The following TRPC4 variants were observed in gnomAD, a reference collection of about 807,000 sequenced individuals.
TRPC4 encodes the protein short transient receptor potential channel 4.
Under a neutral mutation model 99.4 loss-of-function variants are expected in TRPC4, and 49 were observed. That is an observed-to-expected ratio of 0.49 (90% CI 0.39 to 0.63). TRPC4 has a LOEUF of 0.63. Among genes scored for constraint, TRPC4 ranks in the 20% least tolerant of loss-of-function variants. The pLI is 0.00. For synonymous variants in TRPC4, 454 were observed against 425.9 expected (o/e 1.07, Z -0.81); for missense variants, 898 against 1,152.9 (o/e 0.78, Z 3.20).
chr13:37,723,246 C>G (rs569507097), intron 3 of TRPC4, among the ~76,000 whole-genome samples: 9 of 151,946 alleles, frequency 5.9e-5, no homozygotes, highest in Non-Finnish European at 1.3e-4. Context: ...GTTGTACGCC[C>G]AGACAAAAAA....
chr13:37,750,179 T>G lies in TRPC4; in HGVS notation c.379-3724A>C, dbSNP rs77548338. On this transcript the variant is annotated intron_variant, in intron 2 of 10. Coordinates refer to ENST00000379705, the MANE Select transcript of TRPC4 (RefSeq NM_016179.4). ...TTAGTAGCAAAAACTGTTGCTTCAA[T>G]TCTGCGAAATATTTCAATTTCTATT... Among the ~76,000 whole-genome samples the G allele has an allele frequency of 9.2e-3, 1,400 of 152,274 alleles. 14 individuals carry two copies. Among genetic ancestry groups the G allele is most frequent in the African/African-American group, 0.032 (1,333 of 41,570 alleles).
chr13:37,862,021 C>T (rs182278335), intron 1 of TRPC4, among the ~76,000 whole-genome samples: 1 of 151,286 alleles, frequency 6.6e-6, no homozygotes, highest in East Asian at 1.9e-4. Flanking sequence ...AGATTAAAGG[C>T]CATGAGAAAG....
intron 1 of TRPC4, among the ~76,000 whole-genome samples, chr13:37,800,337 A>T (rs1311903325): frequency 1.3e-5 from 2 of 152,096 alleles, no homozygotes; most frequent in Non-Finnish European, 2.9e-5. Flanking sequence ...CTGAGTAGCT[A>T]GAAATAAAGG....
In TRPC4 at chr13:37,839,333, C is replaced by T. The variant is rs554501768; in HGVS notation, c.-28+30262G>A. Among the ~76,000 whole-genome samples the T allele has an allele frequency of 1.2e-3, 183 of 152,254 alleles. 1 individual carries two copies. The highest frequency in any genetic ancestry group is 3.4e-3 in the Middle Eastern group (1 of 294). ...GATGAGTTCCTGGCCTCCAAATTTG[C>T]ACTCTAATTACATCTCTTTCTTTAA... On this transcript the variant is annotated intron_variant, in intron 1 of 10. Coordinates refer to ENST00000379705, the MANE Select transcript of TRPC4 (RefSeq NM_016179.4).
intron 2 of TRPC4, among the ~76,000 whole-genome samples, chr13:37,756,783 C>T (rs186556660): frequency 7.2e-5 from 11 of 152,082 alleles, no homozygotes; most frequent in Non-Finnish European, 1.2e-4. Flanking sequence ...GACCTACCCG[C>T]CTCAGCCTCC....
At chr13:37,800,456 T>C (rs1030283645) in intron 1 of TRPC4, among the ~76,000 whole-genome samples, 2 of 152,174 alleles carry the variant, frequency 1.3e-5, no homozygotes, top group Admixed American at 1.3e-4. Context: ...ATCAGCTAGG[T>C]TCATAGTTTA....
At chr13:37,664,301 C>T (rs962144908) in intron 5 of TRPC4, among the ~76,000 whole-genome samples, 13 of 152,226 alleles carry the variant, frequency 8.5e-5, no homozygotes, top group African/African-American at 2.6e-4. Flanking sequence ...AGGCCTGGCG[C>T]GGTGGCTGAT....
intron 2 of TRPC4, among the ~76,000 whole-genome samples, chr13:37,778,712 T>A (rs945462257): frequency 2.0e-5 from 3 of 152,008 alleles, no homozygotes; most frequent in African/African-American, 7.2e-5. Context: ...TATAGCAAAG[T>A]CTTTTTTTCC....
chr13:37,748,249 G>C (rs1369293949), intron 2 of TRPC4, among the ~76,000 whole-genome samples: 1 of 152,060 alleles, frequency 6.6e-6, no homozygotes, highest in African/African-American at 2.4e-5. Flanking sequence ...GACAATGAGG[G>C]AAGACAAAAC....
chr13:37,666,570 A>G (rs563105699), intron 5 of TRPC4, among the ~76,000 whole-genome samples: 2 of 152,338 alleles, frequency 1.3e-5, no homozygotes, highest in East Asian at 1.9e-4. Flanking sequence ...AGTGATTTTT[A>G]TAATTACAAA....
At chr13:37,799,162 C>T (rs983876891) in intron 1 of TRPC4, among the ~76,000 whole-genome samples, 2 of 152,072 alleles carry the variant, frequency 1.3e-5, no homozygotes, top group African/African-American at 4.8e-5. Flanking sequence ...TCTCGATCTC[C>T]TGACCTCATG....
chr13:37,839,968 A>T (rs1958687961), intron 1 of TRPC4, among the ~76,000 whole-genome samples: 1 of 152,132 alleles, frequency 6.6e-6, no homozygotes, highest in Non-Finnish European at 1.5e-5. Context: ...CTGAAACATG[A>T]TCCTTTTATT....
chr13:37,651,500 T>A (rs372786218), intron 7 of TRPC4, 41 bp from the exon 8 acceptor site: 16 of 1,567,622 alleles, frequency 1.0e-5, no homozygotes, highest in Admixed American at 1.7e-5. Flanking sequence ...GGTTCCTTAA[T>A]TAACAAGGTA....
At position 37,704,291 on chromosome 13, in the gene TRPC4, T is replaced by G. The variant is rs528871401; in HGVS notation, c.898-11956A>C. Among the ~76,000 whole-genome samples the G allele has an allele frequency of 5.4e-4, 82 of 152,316 alleles. 4 individuals carry two copies. In the South Asian group the frequency reaches 0.017, roughly 32 times the overall value. ...GATGTGTTCTCTATCTTAATTTGTT[T>G]ATGTTTTCACAGGTGTATACATTTT... On this transcript the variant is annotated intron_variant, in intron 3 of 10. Coordinates refer to ENST00000379705, the MANE Select transcript of TRPC4 (RefSeq NM_016179.4).
intron 1 of TRPC4, among the ~76,000 whole-genome samples, chr13:37,816,874 C>T (rs1172129506): frequency 2.1e-4 from 32 of 151,686 alleles, no homozygotes. Context: ...GAAAATACCT[C>T]GAAATTAAAG....
intron 3 of TRPC4, among the ~76,000 whole-genome samples, chr13:37,693,327 T>C (rs1396239276): frequency 1.3e-5 from 2 of 152,086 alleles, no homozygotes; most frequent in Non-Finnish European, 2.9e-5. Context: ...CAAGATACCT[T>C]GGGAGAACAA....
At chr13:37,649,748 AAAAAAAAAAAAACAAC>A (rs1423155528) in intron 8 of TRPC4, among the ~76,000 whole-genome samples, 4,027 of 147,600 alleles carry the variant, frequency 0.027, 159 homozygotes, top group Non-Finnish European at 0.044. Context: ...AAAAAAAAAA[AAAAAAAAAAAAACAAC>A]AACAAAGAAC....
intron 3 of TRPC4, among the ~76,000 whole-genome samples, chr13:37,725,264 A>G (rs1051453919): frequency 1.3e-5 from 2 of 152,118 alleles, no homozygotes; most frequent in Non-Finnish European, 2.9e-5. Context: ...CAAGTGGACC[A>G]ATATATACAT....
intron 1 of TRPC4, among the ~76,000 whole-genome samples, chr13:37,795,402 G>A (rs1398581935): frequency 1.3e-5 from 2 of 152,162 alleles, no homozygotes; most frequent in East Asian, 3.9e-4. Flanking sequence ...TGGAGGAGGA[G>A]CCTTGTTGAC....
Sources: gnomAD v4.1 joint callset for allele counts (sites outside exome capture counted in the v4.1 genomes callset) on GRCh38, gnomAD v4.1.1 for gene constraint, MANE v1.5 for transcripts, NCBI Gene and HGNC (gene_info 2026-07-23, HGNC 2026-07-21) for gene names.